Variants in LGR4 observed in about 807,000 individuals in gnomAD.
The protein encoded by LGR4 is leucine rich repeat containing G protein-coupled receptor 4, also known as leucine-rich repeat-containing G protein-coupled receptor 4.
Under a neutral mutation model 84.8 loss-of-function variants are expected in LGR4, and 44 were observed. The observed-to-expected ratio is 0.52, with a 90% CI of 0.41 to 0.67. The LOEUF is 0.67. LGR4 is among the 30% of genes least tolerant of loss of function. The pLI is 0.00. For synonymous variants in LGR4, 429 were observed against 434.3 expected (o/e 0.99, Z 0.15); for missense variants, 1,032 against 1,131.4 (o/e 0.91, Z 1.26).
At chr11:27,456,131 T>C (rs1004306780) in intron 1 of LGR4, among the ~76,000 whole-genome samples, 1 of 152,102 alleles carries the variant, frequency 6.6e-6, no homozygotes, top group African/African-American at 2.4e-5. Context: ...ACCTTTAGAA[T>C]CACCAAGCAA....
chr11:27,431,703 C>T (rs370920909), intron 1 of LGR4, among the ~76,000 whole-genome samples: 26 of 152,302 alleles, frequency 1.7e-4, no homozygotes, highest in African/African-American at 6.0e-4. Flanking sequence ...AAAGGATTGT[C>T]CATCCAAAGA....
At chr11:27,428,928 C>T (rs1274553328) in intron 1 of LGR4, among the ~76,000 whole-genome samples, 2 of 151,822 alleles carry the variant, frequency 1.3e-5, no homozygotes, top group East Asian at 1.9e-4. Flanking sequence ...TCCATGTAGC[C>T]GGTAGAGTGA....
At chr11:27,412,887 GTTAA>G in intron 1 of LGR4, 27 bp from the exon 2 acceptor site, 1 of 1,420,548 alleles carries the variant, frequency 7.0e-7, no homozygotes, top group Non-Finnish European at 9.9e-7. Flanking sequence ...TAAGAATATT[GTTAA>G]TTAAGTGGTA....
chr11:27,397,862 C>T (rs540338120), intron 2 of LGR4, among the ~76,000 whole-genome samples: 77 of 152,324 alleles, frequency 5.1e-4, no homozygotes, highest in African/African-American at 1.7e-3. Flanking sequence ...CCCACTTACT[C>T]TGTTTGCTAC....
intron 5 of LGR4, among the ~76,000 whole-genome samples, chr11:27,384,924 T>A (rs1458320446): frequency 6.6e-6 from 1 of 152,182 alleles, no homozygotes; most frequent in Non-Finnish European, 1.5e-5. Context: ...GACTAACTTC[T>A]ATGGACACCT....
At chr11:27,409,959 T>C (rs758875687) in intron 2 of LGR4, among the ~76,000 whole-genome samples, 1 of 152,150 alleles carries the variant, frequency 6.6e-6, no homozygotes, top group Non-Finnish European at 1.5e-5. Context: ...TTTCTCCCCC[T>C]AGATCAATGT....
chr11:27,448,251 T>G (rs1864424767), intron 1 of LGR4, among the ~76,000 whole-genome samples: 1 of 152,120 alleles, frequency 6.6e-6, no homozygotes, highest in Admixed American at 6.5e-5. Context: ...ATGTTTAAAT[T>G]AGAATAAATC....
At chr11:27,471,498 G>A (rs1864870866) in intron 1 of LGR4, among the ~76,000 whole-genome samples, 1 of 152,250 alleles carries the variant, frequency 6.6e-6, no homozygotes, top group Non-Finnish European at 1.5e-5. Flanking sequence ...GCAGAAGCCT[G>A]GGCGTTAGTG....
chr11:27,458,432 T>C (rs1284800915), intron 1 of LGR4, among the ~76,000 whole-genome samples: 1 of 152,206 alleles, frequency 6.6e-6, no homozygotes, highest in East Asian at 1.9e-4. Context: ...ACTGTATACA[T>C]TGTGAAACTC....
intron 17 of LGR4, among the ~76,000 whole-genome samples, chr11:27,370,921 G>C (rs1862870337): frequency 6.6e-6 from 1 of 152,052 alleles, no homozygotes; most frequent in Non-Finnish European, 1.5e-5. Flanking sequence ...TAGTAACTTA[G>C]AGCTTATTCT....
intron 16 of LGR4, among the ~76,000 whole-genome samples, chr11:27,372,051 G>C (rs892773665): frequency 6.6e-6 from 1 of 152,066 alleles, no homozygotes; most frequent in Non-Finnish European, 1.5e-5. Context: ...TTTTTATATA[G>C]AGAGAGTCTC....
Position 27,368,083 on chromosome 11 carries a change from G to C in LGR4, c.2640C>G (p.Ser880Arg). 1.2e-6 allele frequency: 2 copies of C among 1,611,606 alleles called. No homozygotes were observed. Among genetic ancestry groups the C allele is most frequent in the Non-Finnish European group, 1.7e-6 (2 of 1,178,740 alleles). Residue 880 changes from serine to arginine, a missense_variant, in exon 18 of 18, where the codon AGC becomes AGG. Transcript: ENST00000379214. Reference sequence around the variant, plus strand: ...AAGAAGCCACTGCCAATGCAGGACAGCTGTGTGATTTTATCAAGTGTTTGC... The same window carrying C: ...AAGAAGCCACTGCCAATGCAGGACACCTGTGTGATTTTATCAAGTGTTTGC... ...VSCKHLIKSHSCPALAVASCQ... is the reference protein window; with the variant it reads ...VSCKHLIKSHRCPALAVASCQ...
At chr11:27,429,687 T>C (rs896062987) in intron 1 of LGR4, among the ~76,000 whole-genome samples, 7 of 152,182 alleles carry the variant, frequency 4.6e-5, no homozygotes, top group African/African-American at 1.2e-4. Flanking sequence ...ATCTCACGCA[T>C]ATTAACCATG....
chr11:27,412,965 T>C (rs1400245004), intron 1 of LGR4, 105 bp from the exon 2 acceptor site: 16 of 756,868 alleles, frequency 2.1e-5, no homozygotes, highest in Middle Eastern at 3.4e-4. Context: ...TGAAAGAGCA[T>C]AGAAGACACA....
At chr11:27,394,310 A>G (rs1287846558) in intron 2 of LGR4, among the ~76,000 whole-genome samples, 4 of 152,194 alleles carry the variant, frequency 2.6e-5, no homozygotes, top group Non-Finnish European at 5.9e-5. Context: ...AGGCCTCTTC[A>G]GTTGCTTCCA....
intron 2 of LGR4, among the ~76,000 whole-genome samples, chr11:27,403,559 G>GT (rs760640861): frequency 2.0e-4 from 31 of 152,288 alleles, no homozygotes; most frequent in Middle Eastern, 3.4e-3. Context: ...TTAAATGATG[G>GT]TAAAAACTAG....
At chr11:27,371,734 C>A (rs1396264328) in intron 16 of LGR4, 36 bp from the exon 17 acceptor site, 1 of 1,458,380 alleles carries the variant, frequency 6.9e-7, no homozygotes, top group Middle Eastern at 2.1e-4. Context: ...TAATTAAAAC[C>A]TTATGCAACT....
chr11:27,461,140 T>G (rs1391653541), intron 1 of LGR4, among the ~76,000 whole-genome samples: 1 of 152,130 alleles, frequency 6.6e-6, no homozygotes, highest in African/African-American at 2.4e-5. Flanking sequence ...AGAAAGGATT[T>G]TAGTTCTAAA....
At chr11:27,380,764 A>C (rs1863077406) in intron 8 of LGR4, 53 bp from the exon 9 acceptor site, 1 of 1,292,938 alleles carries the variant, frequency 7.7e-7, no homozygotes, top group Non-Finnish European at 1.1e-6. Context: ...AAGCACTCTA[A>C]TATTAACTCT....
Sources: allele counts gnomAD v4.1 joint callset (sites outside exome capture counted in the v4.1 genomes callset), GRCh38; gene constraint gnomAD v4.1.1; transcripts MANE v1.5; gene names NCBI Gene and HGNC (gene_info 2026-07-23, HGNC 2026-07-21).